MYPN: variants seen among roughly 807,000 people sequenced by gnomAD.
The protein encoded by MYPN is sarcomeric protein myopalladin, 145 kDa (MYOP).
In MYPN, 63 loss-of-function variants were observed where a neutral mutation model predicts 129.4. The observed-to-expected ratio is 0.49, with a 90% CI of 0.40 to 0.60. The LOEUF is 0.60. Ranked by LOEUF, MYPN falls within the 20% of genes least tolerant of loss-of-function variation. The pLI is 0.00. For missense variants in MYPN, 1,596 were observed against 1,635.4 expected, an observed-to-expected ratio of 0.98 and a Z score of 0.42; for synonymous variants, 629 against 600.9, an observed-to-expected ratio of 1.05 and a Z score of -0.68.
chr10:68,114,572 C>T (rs2042128938), intron 1 of MYPN, among the ~76,000 whole-genome samples: 1 of 152,102 alleles, frequency 6.6e-6, no homozygotes, highest in Admixed American at 6.5e-5. Flanking sequence ...TGGTCTCGAA[C>T]ACCTGACCTC....
At chr10:68,094,877 C>T (rs1248895788) in intron 1 of MYPN, among the ~76,000 whole-genome samples, 1 of 152,064 alleles carries the variant, frequency 6.6e-6, no homozygotes, top group East Asian at 1.9e-4. Flanking sequence ...GTCTGGCCAA[C>T]ATAGTGAATC....
chr10:68,172,178 AC>A (rs1272876010), intron 10 of MYPN, among the ~76,000 whole-genome samples: 1 of 151,824 alleles, frequency 6.6e-6, no homozygotes, highest in Non-Finnish European at 1.5e-5. Flanking sequence ...ACATGACGAG[AC>A]CCCCAACTCT....
At chr10:68,103,076 G>C (rs1177056522), upstream of MYPN, among the ~76,000 whole-genome samples, 1 of 152,140 alleles carries the variant, frequency 6.6e-6, no homozygotes, top group African/African-American at 2.4e-5. Flanking sequence ...TGAGCAAAAT[G>C]GATGAAAAAG....
chr10:68,126,980 A>G (rs10997938), intron 2 of MYPN, among the ~76,000 whole-genome samples: 73,369 of 151,994 alleles, frequency 0.48, 18,715 homozygotes, highest in African/African-American at 0.66. Context: ...GGTTCAGTCC[A>G]GTGCTAGAGT....
chr10:68,134,787 C>G (rs1589541660), intron 2 of MYPN, among the ~76,000 whole-genome samples: 1 of 151,576 alleles, frequency 6.6e-6, no homozygotes, highest in East Asian at 1.9e-4. Flanking sequence ...GAGCAAGACT[C>G]CATCTCAAAA....
chr10:68,093,769 A>AT (rs1447146275), intron 1 of MYPN, among the ~76,000 whole-genome samples: 3 of 151,562 alleles, frequency 2.0e-5, no homozygotes, highest in Non-Finnish European at 1.5e-5. Flanking sequence ...AAAAAAAAAA[A>AT]GGAAGTAAAA....
Position 68,166,534 on chromosome 10 carries a change from A to C in MYPN, c.1841A>C (p.Glu614Ala), listed in dbSNP as rs1393206475. ...EDDKGSEASS[E>A]AGVVTTRQTR... is the part of the protein sequence containing the mutation. Reference sequence around the variant, plus strand: ...GACAAAGGAAGTGAAGCATCCTCCGAGGCTGGTGTGGTGACCACCAGACAG... The same window carrying C: ...GACAAAGGAAGTGAAGCATCCTCCGCGGCTGGTGTGGTGACCACCAGACAG... Residue 614 changes from glutamate (E) to alanine (A), a missense_variant, in exon 10 of 20, where the codon GAG becomes GCG. Transcript: ENST00000358913. The C allele has an allele frequency of 7.4e-6, 12 of 1,614,128 alleles. No individual in the cohort carries two copies. Among genetic ancestry groups the C allele is most frequent in the Non-Finnish European group, 1.0e-5 (12 of 1,180,020 alleles).
At chr10:68,106,915 T>C, upstream of MYPN, 1 of 673,544 alleles carries the variant, frequency 1.5e-6, no homozygotes, top group Non-Finnish European at 2.7e-6. Flanking sequence ...CACTCAACTT[T>C]ATGGGGAAGG....
Position 68,211,434 on chromosome 10 carries a change from C to A in MYPN, c.*979C>A, listed in dbSNP as rs1159412962. On this transcript the variant is annotated 3_prime_UTR_variant, in exon 20 of 20. Transcript: ENST00000358913. ...GGGAGAGTGTTGTTTTTGTCACTTGCCCCAGCAGAGCAGGGGTTTTGGAAG... is the reference window on the plus strand; with the variant it reads ...GGGAGAGTGTTGTTTTTGTCACTTGACCCAGCAGAGCAGGGGTTTTGGAAG... The A allele has an allele frequency of 6.6e-6, 3 of 453,996 alleles. No individual in the cohort carries two copies. The highest frequency in any genetic ancestry group is 2.3e-5 in the Admixed American group (1 of 42,554). The allele number at this position is 453,996 out of a possible 1,614,324, so 28.1% of individuals were successfully genotyped here. A position where few individuals can be genotyped will look rare whatever the true frequency, so the allele number is the denominator to read the frequency against.
At chr10:68,203,877 AGTGTT>A (rs1334402681) in intron 18 of MYPN, among the ~76,000 whole-genome samples, 1 of 152,132 alleles carries the variant, frequency 6.6e-6, no homozygotes, top group African/African-American at 2.4e-5. Flanking sequence ...CTGTGTTGTA[AGTGTT>A]GTAAGTATTT....
rs753424932 is a variant in MYPN at position 68,189,009 on chromosome 10, G to A, written c.2808G>A (p.Glu936=). 1 of 1,614,122 alleles carries A rather than the reference G, an allele frequency of 6.2e-7. No homozygotes were observed. The highest frequency in any genetic ancestry group is 2.2e-5 in the East Asian group (1 of 44,874). ...CAGATGATGAAATTCAACATGATGA[G>A]ATCCCCACGGGCAAGTGTATTGCTC... ...DESDDEIQHD[E]IPTGKCIAPI... The change falls in exon 13 of 20, where the codon GAG becomes GAA. Residue 936 remains glutamate, a synonymous_variant. Transcript: ENST00000358913.
At chr10:68,141,391 C>CT (rs1189454658) in intron 2 of MYPN, among the ~76,000 whole-genome samples, 1 of 151,236 alleles carries the variant, frequency 6.6e-6, no homozygotes, top group Non-Finnish European at 1.5e-5. Context: ...AAGAATATTG[C>CT]TGTATAAATG....
chr10:68,122,276 G>T lies in MYPN; in HGVS notation c.838G>T (p.Val280Phe). ...CACTCAAAAGTTACGGAGCAGAGAA[G>T]TTCCAGAAGGAACTCGAGTACAGTT... is the stretch of plus-strand genomic sequence containing the variant. ...RFTQKLRSRE[V>F]PEGTRVQLDC... The change falls in exon 2 of 20, where the codon GTT becomes TTT. Residue 280 changes from valine (V) to phenylalanine (F), a missense_variant. Val to Phe is a conservative substitution (Grantham distance 50). Transcript: ENST00000358913. 6.2e-7 allele frequency: 1 copy of T among 1,614,056 alleles called. No individual in the cohort carries two copies. The highest frequency in any genetic ancestry group is 8.5e-7 in the Non-Finnish European group (1 of 1,179,982).
chr10:68,199,673 C>T, intron 17 of MYPN, 98 bp downstream of exon 17: 2 of 1,218,542 alleles, frequency 1.6e-6, no homozygotes, highest in Non-Finnish European at 2.4e-6. Flanking sequence ...CTTTGCCCTA[C>T]TAACTCCAAT....
chr10:68,152,977 A>ATTTAT (rs111383760), intron 6 of MYPN, among the ~76,000 whole-genome samples: 139 of 147,704 alleles, frequency 9.4e-4, no homozygotes, highest in African/African-American at 3.0e-3. Context: ...ATTTTATTTT[A>ATTTAT]TTTATTTTAT....
chr10:68,203,670 A>G (rs1202673097), intron 18 of MYPN, among the ~76,000 whole-genome samples: 2 of 150,900 alleles, frequency 1.3e-5, no homozygotes, highest in African/African-American at 4.9e-5. Context: ...GAACATCTGA[A>G]TGGTCCTAAA....
intron 10 of MYPN, among the ~76,000 whole-genome samples, chr10:68,170,172 C>T (rs1390428431): frequency 6.6e-6 from 1 of 152,180 alleles, no homozygotes; most frequent in Admixed American, 6.5e-5. Flanking sequence ...GCTGGAAGTA[C>T]AGTCCCTAGC....
intron 12 of MYPN, among the ~76,000 whole-genome samples, chr10:68,187,437 G>A (rs2043439974): frequency 6.6e-6 from 1 of 152,030 alleles, no homozygotes; most frequent in African/African-American, 2.4e-5. Flanking sequence ...CTTTACAAAA[G>A]TGCAGCCTGG....
At chr10:68,137,680 C>T (rs2042508506) in intron 2 of MYPN, among the ~76,000 whole-genome samples, 2 of 151,972 alleles carry the variant, frequency 1.3e-5, no homozygotes, top group African/African-American at 4.8e-5. Context: ...ATAAACTTAC[C>T]GTGGAGAATA....
Sources: gnomAD v4.1 joint callset for allele counts (sites outside exome capture counted in the v4.1 genomes callset) on GRCh38, gnomAD v4.1.1 for gene constraint, MANE v1.5 for transcripts, NCBI Gene and HGNC (gene_info 2026-07-23, HGNC 2026-07-21) for gene names.